ULK4: variants seen among roughly 807,000 people sequenced by gnomAD.
The protein encoded by ULK4 is unc-51 like kinase 4, also known as inactive serine/threonine-protein kinase ULK4.
Under a neutral mutation model 160.6 loss-of-function variants are expected in ULK4, and 133 were observed. The ratio of observed to expected loss-of-function variants is 0.83; its 90% CI spans 0.72 to 0.96. The LOEUF is 0.96. Ranked by LOEUF, ULK4 falls within the 40% of genes least tolerant of loss-of-function variation. The pLI is 0.00. For missense variants in ULK4, 1,580 were observed against 1,499.5 expected (o/e 1.05, Z -0.89); for synonymous variants, 534 against 539.8 (o/e 0.99, Z 0.15).
chr3:41,696,894 T>C (rs140389797), intron 27 of ULK4, among the ~76,000 whole-genome samples: 388 of 152,268 alleles, frequency 2.5e-3, no homozygotes, highest in African/African-American at 8.9e-3. Context: ...GCTGCTCTGC[T>C]GGCTTTGAAG....
intron 22 of ULK4, among the ~76,000 whole-genome samples, chr3:41,736,537 T>A (rs2038055943): frequency 6.6e-6 from 1 of 151,850 alleles, no homozygotes. Flanking sequence ...TGTGATGGGG[T>A]TGTTTGGTTT....
rs1267767413 is a variant in ULK4, at chr3:41,322,110, C to A, written c.3679-72536G>T. On this transcript the variant is annotated intron_variant, in intron 35 of 36. Coordinates refer to ENST00000301831, the MANE Select transcript of ULK4 (RefSeq NM_017886.4). Reference sequence around the variant, plus strand: ...GCAGTGGCGCGATCTCGGCTCACTACAACCTCCACCTCCTGGGTTCAAGCA... The same window carrying A: ...GCAGTGGCGCGATCTCGGCTCACTAAAACCTCCACCTCCTGGGTTCAAGCA... 1.4e-5 allele frequency among the ~76,000 whole-genome samples: 2 copies of A among 144,574 alleles called. 1 individual carries two copies. The highest frequency in any genetic ancestry group is 3.0e-5 in the Non-Finnish European group (2 of 66,588). 94.8% of individuals were successfully genotyped at this position (144,574 alleles called of 152,430 possible).
At chr3:41,608,520 G>C (rs559658021) in intron 31 of ULK4, among the ~76,000 whole-genome samples, 78 of 152,284 alleles carry the variant, frequency 5.1e-4, no homozygotes, top group African/African-American at 1.7e-3. Flanking sequence ...AGTAATCACT[G>C]ATTTCACAGT....
At chr3:41,886,171 G>A (rs1181597260) in intron 16 of ULK4, among the ~76,000 whole-genome samples, 2 of 152,140 alleles carry the variant, frequency 1.3e-5, no homozygotes, top group East Asian at 3.8e-4. Context: ...CTGACAATAT[G>A]TGCTGAATGT....
rs148112669 is a variant in ULK4 at position 41,261,566 on chromosome 3, C to G, written c.3679-11992G>C. On this transcript the variant is annotated intron_variant, in intron 35 of 36. Coordinates refer to ENST00000301831, the MANE Select transcript of ULK4 (RefSeq NM_017886.4). ...AACTGACTAAGCCGTGTTTCTAGCCCCACTGCCTACATGTTGTGTTATCTT... is the reference window on the plus strand; with the variant it reads ...AACTGACTAAGCCGTGTTTCTAGCCGCACTGCCTACATGTTGTGTTATCTT... Among the ~76,000 whole-genome samples the G allele has an allele frequency of 2.3e-3, 351 of 152,294 alleles. 2 individuals carry two copies. Among genetic ancestry groups the G allele is most frequent in the African/African-American group, 7.9e-3 (329 of 41,566 alleles).
In ULK4 at chr3:41,376,911, C is replaced by A. The variant is rs529575646; in HGVS notation, c.3678+21168G>T. Reference sequence around the variant, plus strand: ...TATGGAACCAAAAAAGAGCCCGCATCGCCAAGTCAATCCTAAGCCAAAAGA... The same window carrying A: ...TATGGAACCAAAAAAGAGCCCGCATAGCCAAGTCAATCCTAAGCCAAAAGA... On this transcript the variant is annotated intron_variant, in intron 35 of 36. Coordinates refer to ENST00000301831, the MANE Select transcript of ULK4 (RefSeq NM_017886.4). 1.5e-4 allele frequency among the ~76,000 whole-genome samples: 21 copies of A among 143,050 alleles called. 1 individual carries two copies. Among genetic ancestry groups the A allele is most frequent in the African/African-American group, 5.6e-4 (20 of 35,822 alleles). 93.8% of individuals were successfully genotyped at this position (143,050 alleles called of 152,430 possible).
intron 27 of ULK4, among the ~76,000 whole-genome samples, chr3:41,696,182 C>A (rs1035094914): frequency 3.9e-5 from 6 of 152,150 alleles, no homozygotes; most frequent in African/African-American, 1.4e-4. Context: ...TGAGTCAGGC[C>A]CACCCGCAGT....
At chr3:41,926,398 G>C (rs1463991318) in intron 5 of ULK4, among the ~76,000 whole-genome samples, 1 of 152,128 alleles carries the variant, frequency 6.6e-6, no homozygotes, top group Non-Finnish European at 1.5e-5. Flanking sequence ...AGAGAAACCA[G>C]CACAAAAACG....
In ULK4 at chr3:41,560,734, A is replaced by G. The variant is rs143629009; in HGVS notation, c.3226+5291T>C. Among the ~76,000 whole-genome samples the G allele has an allele frequency of 4.0e-3, 605 of 152,354 alleles. 6 individuals carry two copies. The highest frequency in any genetic ancestry group is 0.014 in the African/African-American group (569 of 41,586). On this transcript the variant is annotated intron_variant, in intron 32 of 36. Coordinates refer to ENST00000301831, the MANE Select transcript of ULK4 (RefSeq NM_017886.4). ...ATTTTGTATCCTGAGACTTTGCTGA[A>G]GTTGCTTATCAGCTTAAGGAGATTT...
At chr3:41,473,145 T>C (rs1177455606) in intron 32 of ULK4, among the ~76,000 whole-genome samples, 2 of 152,076 alleles carry the variant, frequency 1.3e-5, no homozygotes, top group Admixed American at 6.5e-5. Context: ...CATTCAATGA[T>C]GAAAAAATAA....
At chr3:41,921,604 G>A (rs1156909854) in intron 5 of ULK4, among the ~76,000 whole-genome samples, 1 of 151,984 alleles carries the variant, frequency 6.6e-6, no homozygotes, top group Non-Finnish European at 1.5e-5. Context: ...AACAGAGCGA[G>A]ACTCCGTCTC....
intron 32 of ULK4, among the ~76,000 whole-genome samples, chr3:41,507,130 C>T (rs1252724703): frequency 4.3e-5 from 2 of 46,552 alleles, no homozygotes; most frequent in Non-Finnish European, 1.3e-4. Flanking sequence ...CTTATAGATT[C>T]CGGCCAAAAA....
Position 41,864,923 on chromosome 3 carries a change from T to A in ULK4, c.1656+18951A>T, listed in dbSNP as rs144746462. Reference sequence around the variant, plus strand: ...ATGCCCAGATTCCCCCCAGGATTAATCTTTTCCATTAGCCCTTACATATGC... The same window carrying A: ...ATGCCCAGATTCCCCCCAGGATTAAACTTTTCCATTAGCCCTTACATATGC... On this transcript the variant is annotated intron_variant, in intron 17 of 36. Transcript: ENST00000301831. Among the ~76,000 whole-genome samples the A allele has an allele frequency of 8.0e-4, 122 of 152,194 alleles. 1 individual carries two copies. Among genetic ancestry groups the A allele is most frequent in the African/African-American group, 2.8e-3 (116 of 41,504 alleles).
intron 34 of ULK4, among the ~76,000 whole-genome samples, chr3:41,429,912 T>C (rs141764750): frequency 6.6e-4 from 100 of 152,318 alleles, no homozygotes; most frequent in Non-Finnish European, 1.2e-3. Context: ...TAAAATTAAT[T>C]AAAATTCTTT....
intron 35 of ULK4, among the ~76,000 whole-genome samples, chr3:41,305,509 C>G (rs1192403265): frequency 3.3e-5 from 5 of 152,250 alleles, no homozygotes; most frequent in Non-Finnish European, 5.9e-5. Flanking sequence ...GACGGAGTCT[C>G]GTTCACTCAG....
intron 34 of ULK4, among the ~76,000 whole-genome samples, chr3:41,431,866 C>A (rs528552112): frequency 6.6e-6 from 1 of 150,602 alleles, no homozygotes; most frequent in South Asian, 2.1e-4. Context: ...CTCGGTTCAC[C>A]GCAAGCTCCG....
chr3:41,912,670 CTTAA>C lies in ULK4; in HGVS notation c.896+133_896+136del, dbSNP rs923288690. On this transcript the variant is annotated intron_variant, in intron 9 of 36. Transcript: ENST00000301831. ...TCATGAGTAAACTCCTCAAGCAACC[CTTAA>C]TTAAACAAACGCTGGATTTTCTCCT... 1.2e-5 allele frequency: 8 copies of C among 689,412 alleles called. No homozygotes were observed. In the African/African-American group the frequency reaches 1.4e-4, roughly 12 times the overall value. The allele number at this position is 689,412 out of a possible 1,614,324, so 42.7% of individuals were successfully genotyped here. A position where few individuals can be genotyped will look rare whatever the true frequency, so the allele number is the denominator to read the frequency against.
Position 41,411,411 on chromosome 3 carries a change from C to T in ULK4, c.3493-13147G>A, listed in dbSNP as rs1366584572. On this transcript the variant is annotated intron_variant, in intron 34 of 36. Transcript: ENST00000301831. Reference sequence around the variant, plus strand: ...CCACAACCTCTTATCATAATCCAGACATTCCTTTCTTTTTTTTTTTTTTAT... The same window carrying T: ...CCACAACCTCTTATCATAATCCAGATATTCCTTTCTTTTTTTTTTTTTTAT... Among the ~76,000 whole-genome samples, 3 of 147,346 alleles carry T rather than the reference C, an allele frequency of 2.0e-5. No individual in the cohort carries two copies. The East Asian group carries it at 6.0e-4, about 29-fold the overall frequency.
At chr3:41,490,729 A>G (rs1266149909) in intron 32 of ULK4, among the ~76,000 whole-genome samples, 2 of 152,186 alleles carry the variant, frequency 1.3e-5, no homozygotes, top group African/African-American at 4.8e-5. Flanking sequence ...TACAATGTCT[A>G]CCATGGTTTG....
Sources: allele counts gnomAD v4.1 joint callset (sites outside exome capture counted in the v4.1 genomes callset), GRCh38; gene constraint gnomAD v4.1.1; transcripts MANE v1.5; gene names NCBI Gene and HGNC (gene_info 2026-07-23, HGNC 2026-07-21).